The following KAT6B variants were observed in gnomAD, a reference collection of about 807,000 sequenced individuals.
The protein encoded by KAT6B is histone acetyltransferase KAT6B.
A neutral mutation model predicts 187.5 loss-of-function variants in KAT6B; 10 were observed. The ratio of observed to expected loss-of-function variants is 0.05; its 90% CI spans 0.03 to 0.09. The LOEUF (loss-of-function observed/expected upper bound fraction) is 0.09. Ranked by LOEUF, KAT6B falls within the 10% of genes least tolerant of loss-of-function variation. The pLI is 1.00. For synonymous variants in KAT6B, 861 were observed against 926.8 expected, an observed-to-expected ratio of 0.93 and a Z score of 1.29; for missense variants, 1,952 against 2,558.9, an observed-to-expected ratio of 0.76 and a Z score of 5.12.
rs1328513301 is a variant in KAT6B at position 74,849,996 on chromosome 10, TG to T, written c.621+6520del. Reference sequence around the variant, plus strand: ...CTCTGTCGCCCAGGCTGGAGTGCAGTGGCATGATCTCGCCTCACTGCAAGCT... The same window carrying T: ...CTCTGTCGCCCAGGCTGGAGTGCAGTGCATGATCTCGCCTCACTGCAAGCT... On this transcript the variant is annotated intron_variant, in intron 3 of 17. Coordinates refer to ENST00000287239, the MANE Select transcript of KAT6B (RefSeq NM_012330.4). Among the ~76,000 whole-genome samples the T allele has an allele frequency of 2.0e-5, 3 of 151,850 alleles. No individual in the cohort carries two copies. In the East Asian group the frequency reaches 5.8e-4, roughly 29 times the overall value.
chr10:74,891,689 T>A (rs1009549290), intron 3 of KAT6B, among the ~76,000 whole-genome samples: 1 of 152,230 alleles, frequency 6.6e-6, no homozygotes, highest in Non-Finnish European at 1.5e-5. Context: ...GAGCTTTTAT[T>A]TTTTTGTTGA....
chr10:75,002,873 C>G (rs990528023), intron 13 of KAT6B, among the ~76,000 whole-genome samples: 3 of 152,190 alleles, frequency 2.0e-5, no homozygotes, highest in Non-Finnish European at 2.9e-5. Context: ...GGACTTTGCT[C>G]TTTGCTGCAT....
chr10:74,968,719 A>C (rs1841649195), intron 4 of KAT6B, among the ~76,000 whole-genome samples: 1 of 152,196 alleles, frequency 6.6e-6, no homozygotes, highest in African/African-American at 2.4e-5. Flanking sequence ...AAAAAAATAA[A>C]ATCAAGTTTG....
intron 3 of KAT6B, among the ~76,000 whole-genome samples, chr10:74,953,336 A>G (rs899582588): frequency 3.3e-5 from 5 of 152,206 alleles, no homozygotes; most frequent in African/African-American, 4.8e-5. Flanking sequence ...TTCTGTTTTT[A>G]TAGCCAAATA....
chr10:74,880,906 G>T (rs979577134), intron 3 of KAT6B, among the ~76,000 whole-genome samples: 3 of 150,528 alleles, frequency 2.0e-5, no homozygotes, highest in South Asian at 4.2e-4. Flanking sequence ...GTGAGCCACT[G>T]TTCCTGGCCT....
At chr10:74,925,512 G>T (rs1848433398) in intron 3 of KAT6B, among the ~76,000 whole-genome samples, 1 of 147,284 alleles carries the variant, frequency 6.8e-6, no homozygotes, top group African/African-American at 2.5e-5. Context: ...TAATCCAGAA[G>T]CATTTTGTAA....
chr10:74,843,587 G>A, intron 3 of KAT6B, 109 bp downstream of exon 3: 1 of 1,391,170 alleles, frequency 7.2e-7, no homozygotes, highest in African/African-American at 1.4e-5. Flanking sequence ...TGATAAAATT[G>A]AATGTTTTGC....
chr10:74,914,464 T>A (rs1256475235), intron 3 of KAT6B, among the ~76,000 whole-genome samples: 2 of 152,216 alleles, frequency 1.3e-5, no homozygotes, highest in African/African-American at 4.8e-5. Flanking sequence ...TAATGTGGAT[T>A]TAGTTAATTC....
rs942195991 is a variant in KAT6B, at chr10:74,945,487, G to A, written c.622-14483G>A. Among the ~76,000 whole-genome samples, 7 of 151,966 alleles carry A rather than the reference G, an allele frequency of 4.6e-5. No homozygotes were observed. The East Asian group carries it at 9.7e-4, about 21-fold the overall frequency. ...TTTGTTTTTTTCTTTTTTTTGAGACGGAGTCTCACTCTGTCATCCAGGCTG... is the reference window on the plus strand; with the variant it reads ...TTTGTTTTTTTCTTTTTTTTGAGACAGAGTCTCACTCTGTCATCCAGGCTG... On this transcript the variant is annotated intron_variant, in intron 3 of 17. Coordinates refer to ENST00000287239, the MANE Select transcript of KAT6B (RefSeq NM_012330.4).
At chr10:74,905,016 T>C (rs1048282969) in intron 3 of KAT6B, among the ~76,000 whole-genome samples, 1 of 152,218 alleles carries the variant, frequency 6.6e-6, no homozygotes, top group Non-Finnish European at 1.5e-5. Context: ...AATGAGTTAT[T>C]TGCACAGTTA....
At chr10:74,870,960 C>A (rs1403453947) in intron 3 of KAT6B, among the ~76,000 whole-genome samples, 1 of 151,066 alleles carries the variant, frequency 6.6e-6, no homozygotes, top group Non-Finnish European at 1.5e-5. Context: ...TCACTGCAAC[C>A]TCTGCCTCCC....
intron 13 of KAT6B, among the ~76,000 whole-genome samples, chr10:75,010,492 GAAAGC>G (rs1844517683): frequency 6.6e-6 from 1 of 152,154 alleles, no homozygotes; most frequent in Admixed American, 6.5e-5. Flanking sequence ...TTTGCTGTGT[GAAAGC>G]TCATCATCCA....
intron 3 of KAT6B, among the ~76,000 whole-genome samples, chr10:74,957,806 C>G (rs1840793644): frequency 6.6e-6 from 1 of 152,142 alleles, no homozygotes; most frequent in Non-Finnish European, 1.5e-5. Flanking sequence ...AAAGTGTTCC[C>G]AAGGTACTGC....
chr10:74,828,678 C>T (rs888078642), intron 1 of KAT6B, among the ~76,000 whole-genome samples: 2 of 151,186 alleles, frequency 1.3e-5, no homozygotes, highest in African/African-American at 2.4e-5. Flanking sequence ...CGCCATTGTC[C>T]TGCCTCAGCC....
chr10:74,865,776 A>G (rs998114314), intron 3 of KAT6B, among the ~76,000 whole-genome samples: 29 of 152,100 alleles, frequency 1.9e-4, no homozygotes, highest in Admixed American at 1.4e-3. Flanking sequence ...TTGGCCTCCC[A>G]CAAGTGCTGG....
intron 3 of KAT6B, among the ~76,000 whole-genome samples, chr10:74,919,201 C>T (rs1716067692): frequency 6.6e-6 from 1 of 151,922 alleles, no homozygotes; most frequent in African/African-American, 2.4e-5. Context: ...CCAGCCTGGG[C>T]AAAAGAGCAA....
intron 1 of KAT6B, among the ~76,000 whole-genome samples, chr10:74,837,055 C>T (rs1056781375): frequency 6.6e-6 from 1 of 152,156 alleles, no homozygotes; most frequent in African/African-American, 2.4e-5. Context: ...AAACAACACA[C>T]ACAGCTTTAG....
At chr10:74,825,913 G>C (rs969899851), upstream of KAT6B, among the ~76,000 whole-genome samples, 2 of 151,232 alleles carry the variant, frequency 1.3e-5, no homozygotes, top group Admixed American at 1.3e-4. The surrounding 1 kb of genome is among the most constrained non-coding windows in gnomAD (Gnocchi z 5.0). Context: ...GTAGTCGCCC[G>C]GGACGGGACG....
chr10:75,011,183 A>G (rs1844577779), intron 13 of KAT6B, among the ~76,000 whole-genome samples: 1 of 151,982 alleles, frequency 6.6e-6, no homozygotes, highest in African/African-American at 2.4e-5. Context: ...TTCAAAAACT[A>G]TTTCTTTTTT....
Sources: allele counts gnomAD v4.1 joint callset (sites outside exome capture counted in the v4.1 genomes callset), GRCh38; gene constraint gnomAD v4.1.1; non-coding constraint Gnocchi (gnomAD v3.1); transcripts MANE v1.5; gene names NCBI Gene and HGNC (gene_info 2026-07-23, HGNC 2026-07-21).